Variants in GPC3 observed in about 807,000 individuals in gnomAD.
The protein encoded by GPC3 is glypican 3, also known as glypican-3.
Under a neutral mutation model 34.4 loss-of-function variants are expected in GPC3, and 3 were observed. That is an observed-to-expected ratio of 0.09 (90% CI 0.04 to 0.23). The LOEUF (loss-of-function observed/expected upper bound fraction) is 0.23. Ranked by LOEUF, GPC3 falls within the 10% of genes least tolerant of loss-of-function variation. The pLI, the probability that GPC3 is intolerant of heterozygous loss-of-function variation, is 1.00. For missense variants in GPC3, 351 were observed against 445.6 expected, an observed-to-expected ratio of 0.79 and a Z score of 1.91; for synonymous variants, 177 against 174.0, an observed-to-expected ratio of 1.02 and a Z score of -0.13.
intron 6 of GPC3, among the ~76,000 whole-genome samples, chrX:133,637,226 G>A (rs374717611): frequency 1.4e-4 from 16 of 110,988 alleles, no homozygotes; most frequent in African/African-American, 4.9e-4. Flanking sequence ...CTAGAACTTT[G>A]GGAGGCTGAG....
chrX:133,857,661 C>T (rs1023566672), intron 2 of GPC3, among the ~76,000 whole-genome samples: 4 of 111,765 alleles, frequency 3.6e-5, no homozygotes, highest in African/African-American at 1.3e-4. Flanking sequence ...AAAAGCATCT[C>T]AACAAATGGA....
At position 133,603,144 on chromosome X, in the gene GPC3, T is replaced by TA. The variant is rs373788600; in HGVS notation, c.1414-6546dup. 4.7e-3 allele frequency among the ~76,000 whole-genome samples: 432 copies of TA among 91,261 alleles called. 1 individual carries two copies. Among genetic ancestry groups the TA allele is most frequent in the Middle Eastern group, 0.023 (4 of 173 alleles). The allele number at this position is 91,261 out of a possible 115,157, so 79.2% of individuals were successfully genotyped here. A position where few individuals can be genotyped will look rare whatever the true frequency, so the allele number is the denominator to read the frequency against. On this transcript the variant is annotated intron_variant, in intron 6 of 7. Coordinates refer to ENST00000370818, the MANE Select transcript of GPC3 (RefSeq NM_004484.4). ...TCGAAAAAAATAAAAAGGCAAAAGT[T>TA]AAAAAAAAAAAAAAAAGACACGCTC...
At chrX:133,916,870 T>C (rs1327692788) in intron 2 of GPC3, among the ~76,000 whole-genome samples, 3 of 110,845 alleles carry the variant, frequency 2.7e-5, no homozygotes, top group Non-Finnish European at 5.7e-5. Flanking sequence ...CAAAGTGAGA[T>C]CCTGTCTCAA....
At chrX:133,952,189 C>T (rs1450209343) in intron 2 of GPC3, among the ~76,000 whole-genome samples, 2 of 111,349 alleles carry the variant, frequency 1.8e-5, no homozygotes, top group Non-Finnish European at 3.8e-5. Context: ...TCAAATCCTG[C>T]CTTCACCATT....
intron 3 of GPC3, among the ~76,000 whole-genome samples, chrX:133,725,384 CT>C (rs1256756502): frequency 8.9e-6 from 1 of 112,105 alleles, no homozygotes; most frequent in Non-Finnish European, 1.9e-5. Context: ...GAAAAAAATC[CT>C]GTTGTAACAT....
At chrX:133,770,248 C>T (rs1379057823) in intron 2 of GPC3, among the ~76,000 whole-genome samples, 1 of 110,782 alleles carries the variant, frequency 9.0e-6, no homozygotes, top group Non-Finnish European at 1.9e-5. Context: ...TTGCACTCAG[C>T]CTAGGTGACA....
chrX:133,541,280 G>A (rs1270119377), intron 7 of GPC3, among the ~76,000 whole-genome samples: 2 of 109,889 alleles, frequency 1.8e-5, no homozygotes, highest in African/African-American at 3.3e-5. Flanking sequence ...CCTACAAAGT[G>A]GCTAAATCTA....
intron 7 of GPC3, among the ~76,000 whole-genome samples, chrX:133,582,666 TTTTA>T (rs968535610): frequency 8.9e-5 from 10 of 111,811 alleles, no homozygotes; most frequent in Admixed American, 8.6e-4. Context: ...GGTAATTTAG[TTTTA>T]TTGTCTACAA....
chrX:133,956,848 G>A (rs1392728796), intron 1 of GPC3, among the ~76,000 whole-genome samples: 1 of 111,149 alleles, frequency 9.0e-6, no homozygotes, highest in Non-Finnish European at 1.9e-5. Flanking sequence ...ACAAATTGTT[G>A]CTTGATGTAC....
intron 2 of GPC3, among the ~76,000 whole-genome samples, chrX:133,823,831 A>C (rs1196647446): frequency 9.1e-6 from 1 of 109,771 alleles, no homozygotes; most frequent in Non-Finnish European, 1.9e-5. Flanking sequence ...AAACTACAAA[A>C]AAAATTAGCC....
intron 7 of GPC3, among the ~76,000 whole-genome samples, chrX:133,585,982 C>T (rs1569389230): frequency 8.9e-6 from 1 of 112,065 alleles, no homozygotes; most frequent in Non-Finnish European, 1.9e-5. Context: ...ATGTGTAAGG[C>T]CTACCAGCAA....
chrX:133,972,729 G>C (rs1389376959), intron 1 of GPC3, among the ~76,000 whole-genome samples: 2 of 112,252 alleles, frequency 1.8e-5, no homozygotes, highest in Non-Finnish European at 3.8e-5. Context: ...ATTTGGGTGT[G>C]GGATGGGTAA....
At chrX:133,920,005 A>T (rs1469787483) in intron 2 of GPC3, among the ~76,000 whole-genome samples, 4 of 104,555 alleles carry the variant, frequency 3.8e-5, no homozygotes, top group Non-Finnish European at 7.9e-5. Context: ...ACTAAAAATT[A>T]AAAAAAAAAA....
At chrX:133,574,518 C>A (rs1236262070) in intron 7 of GPC3, among the ~76,000 whole-genome samples, 2 of 112,148 alleles carry the variant, frequency 1.8e-5, no homozygotes, top group African/African-American at 3.2e-5. Flanking sequence ...TTATTTCAGT[C>A]TTTCTGGTTA....
intron 5 of GPC3, among the ~76,000 whole-genome samples, chrX:133,683,708 T>C (rs941295435): frequency 5.3e-5 from 6 of 112,391 alleles, no homozygotes; most frequent in Non-Finnish European, 1.1e-4. Flanking sequence ...ACATCCTGAA[T>C]GGAGCACACT....
intron 2 of GPC3, among the ~76,000 whole-genome samples, chrX:133,874,479 C>A (rs1358244596): frequency 9.0e-6 from 1 of 111,672 alleles, no homozygotes; most frequent in Non-Finnish European, 1.9e-5. Context: ...TTTTTAAGTC[C>A]TTTGACCATG....
chrX:133,574,296 A>G (rs1172696659), intron 7 of GPC3, among the ~76,000 whole-genome samples: 3 of 111,498 alleles, frequency 2.7e-5, no homozygotes, highest in Non-Finnish European at 1.9e-5. Flanking sequence ...TTCTACATTT[A>G]AAAATGGTTG....
intron 2 of GPC3, among the ~76,000 whole-genome samples, chrX:133,841,393 T>G (rs761072432): frequency 9.4e-6 from 1 of 106,693 alleles, no homozygotes; most frequent in Non-Finnish European, 1.9e-5. Context: ...TTTGCCAGTG[T>G]GACATTTGCC....
At chrX:133,951,349 T>C (rs1260102805) in intron 2 of GPC3, among the ~76,000 whole-genome samples, 1 of 110,618 alleles carries the variant, frequency 9.0e-6, no homozygotes, top group Non-Finnish European at 1.9e-5. Flanking sequence ...GGCCCTCAGA[T>C]ACATAGCCAT....
Sources: gnomAD v4.1 joint callset for allele counts (sites outside exome capture counted in the v4.1 genomes callset) on GRCh38, gnomAD v4.1.1 for gene constraint, MANE v1.5 for transcripts, NCBI Gene and HGNC (gene_info 2026-07-23, HGNC 2026-07-21) for gene names.